Variants in LAPTM5 observed in about 807,000 individuals in gnomAD.
LAPTM5 encodes lysosomal-associated transmembrane protein 5.
A neutral mutation model predicts 30.1 loss-of-function variants in LAPTM5; 11 were observed. The observed-to-expected ratio is 0.37, with a 90% CI of 0.23 to 0.60. The LOEUF (loss-of-function observed/expected upper bound fraction) is 0.60, where lower values mean the gene tolerates loss of function less well. LAPTM5 is among the 20% of genes least tolerant of loss of function. The pLI, the probability that LAPTM5 is intolerant of heterozygous loss-of-function variation, is 0.71. For synonymous variants in LAPTM5, 151 were observed against 137.9 expected (o/e 1.10, Z -0.67); for missense variants, 324 against 332.5 (o/e 0.97, Z 0.20).
intron 1 of LAPTM5, among the ~76,000 whole-genome samples, chr1:30,752,758 C>G (rs1640155372): frequency 6.6e-6 from 1 of 152,232 alleles, no homozygotes; most frequent in South Asian, 2.1e-4. Flanking sequence ...GGTGAACTTA[C>G]CTGCACGAGG....
Position 30,739,124 on chromosome 1 carries a change from G to C in LAPTM5, c.388-62C>G. ...CAGCAATTAAAGTCCCAGTTACTGA[G>C]CGGCACATAGTAGGCCCTCACTTGA... On this transcript the variant is annotated intron_variant, in intron 4 of 7. Coordinates refer to ENST00000294507, the MANE Select transcript of LAPTM5 (RefSeq NM_006762.3). This position sits in a 1 kb window ranked among gnomAD's most constrained non-coding sequence, Gnocchi z 4.2. 1 of 1,541,958 alleles carries C rather than the reference G, an allele frequency of 6.5e-7. No individual in the cohort carries two copies. Among genetic ancestry groups the C allele is most frequent in the Non-Finnish European group, 8.8e-7 (1 of 1,141,302 alleles).
At chr1:30,756,402 G>A (rs551893704) in intron 1 of LAPTM5, among the ~76,000 whole-genome samples, 9 of 152,314 alleles carry the variant, frequency 5.9e-5, no homozygotes, top group South Asian at 2.1e-4. Flanking sequence ...TCACCTGTGC[G>A]TCAGGCGTGG....
chr1:30,739,563 C>T lies in LAPTM5; in HGVS notation c.387+246G>A, dbSNP rs941335691. 1.3e-5 allele frequency among the ~76,000 whole-genome samples: 2 copies of T among 152,274 alleles called. No individual in the cohort carries two copies. The highest frequency in any genetic ancestry group is 1.9e-4 in the East Asian group (1 of 5,176). On this transcript the variant is annotated intron_variant, in intron 4 of 7. Transcript: ENST00000294507. This position sits in a 1 kb window ranked among gnomAD's most constrained non-coding sequence, Gnocchi z 4.2. ...TGAGTGCTGACCATGGGCTGCACCCCCAATGTGTGTGTTCCTCATGTAACC... is the reference window on the plus strand; with the variant it reads ...TGAGTGCTGACCATGGGCTGCACCCTCAATGTGTGTGTTCCTCATGTAACC...
intron 1 of LAPTM5, among the ~76,000 whole-genome samples, chr1:30,745,649 C>T (rs749593940): frequency 4.0e-4 from 61 of 152,308 alleles, no homozygotes; most frequent in Non-Finnish European, 6.8e-4. Flanking sequence ...AGCGAGGCAA[C>T]CTCAGAGCCT....
At chr1:30,751,317 A>G (rs1640135129) in intron 1 of LAPTM5, among the ~76,000 whole-genome samples, 1 of 152,250 alleles carries the variant, frequency 6.6e-6, no homozygotes, top group East Asian at 1.9e-4. Flanking sequence ...GTGGCAGAGA[A>G]CGTGGCCTCT....
intron 1 of LAPTM5, among the ~76,000 whole-genome samples, chr1:30,753,854 G>A (rs893482179): frequency 6.6e-6 from 1 of 152,168 alleles, no homozygotes; most frequent in Non-Finnish European, 1.5e-5. Flanking sequence ...CTAGGCATGG[G>A]GGACGCAAGA....
intron 1 of LAPTM5, among the ~76,000 whole-genome samples, chr1:30,751,752 G>A (rs1057262894): frequency 6.6e-6 from 1 of 151,984 alleles, no homozygotes. Flanking sequence ...AAAAAGGGGC[G>A]GGGGGCCTTG....
At position 30,741,391 on chromosome 1, in the gene LAPTM5, C is replaced by G. The variant is rs370947046; in HGVS notation, c.258+249G>C. Among the ~76,000 whole-genome samples the G allele has an allele frequency of 3.5e-3, 539 of 152,342 alleles. 7 individuals carry two copies. In the South Asian group the frequency reaches 0.04, roughly 11 times the overall value. The stretch of plus-strand genomic sequence containing the variant: ...CATCAGCTAGTTCTCACCAAAGTGT[C>G]GGTGACCAGCATAGCCCACCATGCC... On this transcript the variant is annotated intron_variant, in intron 3 of 7. Transcript: ENST00000294507.
Position 30,739,976 on chromosome 1 carries a change from T to G in LAPTM5, c.259-39A>C. 1.3e-6 allele frequency: 2 copies of G among 1,522,236 alleles called. No individual in the cohort carries two copies. The highest frequency in any genetic ancestry group is 8.9e-7 in the Non-Finnish European group (1 of 1,128,228). The allele number at this position is 1,522,236 out of a possible 1,614,324, so 94.3% of individuals were successfully genotyped here. ...CCAGCACCGTCAAGTGTCCCCTGCA[T>G]GCAGCCAACACTCCGCCACCCAGCC... On this transcript the variant is annotated intron_variant, in intron 3 of 7. Coordinates refer to ENST00000294507, the MANE Select transcript of LAPTM5 (RefSeq NM_006762.3). The surrounding 1 kb of genome is among the most constrained non-coding windows in gnomAD (Gnocchi z 4.2).
chr1:30,733,795 C>A lies in LAPTM5; in HGVS notation c.*33G>T, dbSNP rs2124173059. ...AAGCAGATTATGAGGCAGCTCCACC[C>A]CTCCCAGCACTGGGGCTGGGGCCTG... On this transcript the variant is annotated 3_prime_UTR_variant, in exon 8 of 8. Transcript: ENST00000294507. 1.9e-6 allele frequency: 3 copies of A among 1,593,606 alleles called. No homozygotes were observed. Among genetic ancestry groups the A allele is most frequent in the Middle Eastern group, 1.7e-4 (1 of 5,942 alleles).
intron 1 of LAPTM5, 53 bp downstream of exon 1, chr1:30,757,606 A>G: frequency 6.4e-7 from 1 of 1,570,734 alleles, no homozygotes. Flanking sequence ...CACCGCAGAC[A>G]TTCACACTCA....
chr1:30,735,463 C>G (rs559846654), intron 6 of LAPTM5, among the ~76,000 whole-genome samples, 198 bp from the exon 7 acceptor site: 223 of 152,292 alleles, frequency 1.5e-3, no homozygotes, highest in African/African-American at 5.0e-3. Context: ...CTTTTCATTG[C>G]CCCACAGATA....
In LAPTM5 at chr1:30,733,797, T is replaced by C; in HGVS notation, c.*31A>G. 1 of 1,596,934 alleles carries C rather than the reference T, an allele frequency of 6.3e-7. No homozygotes were observed. On this transcript the variant is annotated 3_prime_UTR_variant, in exon 8 of 8. Coordinates refer to ENST00000294507, the MANE Select transcript of LAPTM5 (RefSeq NM_006762.3). Reference sequence around the variant, plus strand: ...GCAGATTATGAGGCAGCTCCACCCCTCCCAGCACTGGGGCTGGGGCCTGGC... The same window carrying C: ...GCAGATTATGAGGCAGCTCCACCCCCCCCAGCACTGGGGCTGGGGCCTGGC...
Position 30,742,919 on chromosome 1 carries a change from T to C in LAPTM5, c.88-370A>G, listed in dbSNP as rs141877216. Among the ~76,000 whole-genome samples the C allele has an allele frequency of 4.2e-4, 64 of 152,176 alleles. No individual in the cohort carries two copies. The East Asian group carries it at 9.8e-3, about 23-fold the overall frequency. On this transcript the variant is annotated intron_variant, in intron 1 of 7. Transcript: ENST00000294507. ...CAGTTCTCAGGAAGAGTGGTAACTG[T>C]TACTACTGAAGGTCAGGCTTAAAGA...
At chr1:30,750,261 T>TC (rs1640113482) in intron 1 of LAPTM5, among the ~76,000 whole-genome samples, 1 of 152,070 alleles carries the variant, frequency 6.6e-6, no homozygotes, top group Admixed American at 6.5e-5. Flanking sequence ...CACCCTCCAC[T>TC]CCCCAAACGA....
At chr1:30,749,673 G>A (rs1035086761) in intron 1 of LAPTM5, among the ~76,000 whole-genome samples, 17 of 151,942 alleles carry the variant, frequency 1.1e-4, no homozygotes, top group South Asian at 2.1e-4. Context: ...CCAACCGTAG[G>A]GGTCAGGGCG....
chr1:30,744,383 A>T (rs1375952435), intron 1 of LAPTM5, among the ~76,000 whole-genome samples: 1 of 152,160 alleles, frequency 6.6e-6, no homozygotes, highest in Non-Finnish European at 1.5e-5. Flanking sequence ...AGGGAGGCAG[A>T]TGACAGCTCC....
chr1:30,757,578 G>T, intron 1 of LAPTM5, 81 bp downstream of exon 1: 3 of 1,408,412 alleles, frequency 2.1e-6, no homozygotes, highest in Non-Finnish European at 3.0e-6. Flanking sequence ...CATTTGTGGG[G>T]CTCCGTAGAT....
intron 1 of LAPTM5, among the ~76,000 whole-genome samples, chr1:30,749,868 T>C (rs986002135): frequency 6.6e-6 from 1 of 152,110 alleles, no homozygotes; most frequent in African/African-American, 2.4e-5. Context: ...GCAGCAGGCC[T>C]CAGTAAATGG....
Sources: allele counts gnomAD v4.1 joint callset (sites outside exome capture counted in the v4.1 genomes callset), GRCh38; gene constraint gnomAD v4.1.1; non-coding constraint Gnocchi (gnomAD v3.1); transcripts MANE v1.5; gene names NCBI Gene and HGNC (gene_info 2026-07-23, HGNC 2026-07-21).